The following LILRB1 variants were observed in gnomAD, a reference collection of about 807,000 sequenced individuals.
The protein encoded by LILRB1 is leukocyte immunoglobulin-like receptor subfamily B member 1.
In LILRB1, 59 loss-of-function variants were observed where a neutral mutation model predicts 74.6. The observed-to-expected ratio is 0.79, with a 90% CI of 0.64 to 0.98. The LOEUF is 0.98. Among genes scored for constraint, LILRB1 ranks in the 50% least tolerant of loss-of-function variants. The pLI is 0.00. For synonymous variants in LILRB1, 328 were observed against 333.9 expected (o/e 0.98, Z 0.19); for missense variants, 804 against 822.6 (o/e 0.98, Z 0.28).
upstream of LILRB1, among the ~76,000 whole-genome samples, chr19:54,628,703 C>G (rs2063665014): frequency 6.6e-6 from 1 of 152,042 alleles, no homozygotes; most frequent in Non-Finnish European, 1.5e-5. Flanking sequence ...CCCAGAAACC[C>G]ACGAAACCCA....
At chr19:54,628,458 C>A (rs1600338266), upstream of LILRB1, among the ~76,000 whole-genome samples, 1 of 152,330 alleles carries the variant, frequency 6.6e-6, no homozygotes. Flanking sequence ...ACCTCCAGAA[C>A]TTCTGACTGA....
Position 54,632,718 on chromosome 19 carries a change from G to C in LILRB1, c.916G>C (p.Glu306Gln). 1.2e-6 allele frequency: 2 copies of C among 1,612,456 alleles called. No homozygotes were observed. Among genetic ancestry groups the C allele is most frequent in the South Asian group, 1.1e-5 (1 of 91,002 alleles). The stretch of plus-strand genomic sequence containing the variant: ...CTACGGTGCACACAACCTCTCCTCC[G>C]AGTGGTCGGCCCCCAGCGACCCCCT... ...RCYGAHNLSS[E>Q]WSAPSDPLDI... The change falls in exon 6 of 15, where the codon GAG (glutamate) becomes CAG (glutamine). Residue 306 changes from glutamate (E) to glutamine (Q), a missense_variant. Coordinates refer to ENST00000324602, the MANE Select transcript of LILRB1 (RefSeq NM_001081637.3).
At chr19:54,631,241 G>A (rs375602416) in intron 2 of LILRB1, 30 bp from the exon 3 acceptor site, 26 of 1,608,298 alleles carry the variant, frequency 1.6e-5, no homozygotes, top group Middle Eastern at 1.8e-4. Context: ...GCTTCAGGGG[G>A]CAAATCCCTC....
chr19:54,617,542 C>T (rs1181821638), intron 1 of LILRB1, among the ~76,000 whole-genome samples: 1 of 137,584 alleles, frequency 7.3e-6, no homozygotes, highest in Non-Finnish European at 1.6e-5. Flanking sequence ...GAAGTAAAAG[C>T]TACAGGATGT....
chr19:54,627,948 T>C (rs73614626), upstream of LILRB1, among the ~76,000 whole-genome samples: 6,055 of 152,314 alleles, frequency 0.04, 127 homozygotes, highest in South Asian at 0.054. Flanking sequence ...ACCATTTTTA[T>C]TTTCTGCAGC....
chr19:54,617,336 A>C (rs2063332479), exon 1 of LILRB1: 1 of 152,180 alleles, frequency 6.6e-6, no homozygotes, highest in South Asian at 2.1e-4. Context: ...GTCTTTGTGC[A>C]CATTTACATC....
At chr19:54,631,189 C>T (rs879351408) in intron 2 of LILRB1, 82 bp downstream of exon 2, 58 of 1,613,868 alleles carry the variant, frequency 3.6e-5, no homozygotes, top group Non-Finnish European at 4.5e-5. Context: ...AAGGAGACCC[C>T]AGGGGCTCAC....
chr19:54,637,971 ATGTG>A lies in LILRB1; in HGVS notation c.*1104_*1107del, dbSNP rs1003937312. On this transcript the variant is annotated 3_prime_UTR_variant, in exon 15 of 15. Transcript: ENST00000324602. ...TAGATGTGTGTGTGTGTGTATATAT[ATGTG>A]TGTGTGTGTGAAAAACATTGACTAT... is the stretch of plus-strand genomic sequence containing the variant. 6.6e-6 allele frequency among the ~76,000 whole-genome samples: 1 copy of A among 151,992 alleles called. No homozygotes were observed. The highest frequency in any genetic ancestry group is 1.5e-5 in the Non-Finnish European group (1 of 67,994).
chr19:54,636,949 C>T lies in LILRB1; in HGVS notation c.*71C>T, dbSNP rs879508695. On this transcript the variant is annotated 3_prime_UTR_variant, in exon 15 of 15. Coordinates refer to ENST00000324602, the MANE Select transcript of LILRB1 (RefSeq NM_001081637.3). ...ATGGGAGCTGCCCCCCCAGTGGACA[C>T]CATTGGACCCCACCCAGCCTGGATC... 21 of 1,587,412 alleles carry T rather than the reference C, an allele frequency of 1.3e-5. No individual in the cohort carries two copies. The highest frequency in any genetic ancestry group is 1.8e-5 in the Non-Finnish European group (21 of 1,162,192).
At chr19:54,631,378 G>A in intron 3 of LILRB1, 72 bp downstream of exon 3, 2 of 1,613,516 alleles carry the variant, frequency 1.2e-6, no homozygotes, top group Non-Finnish European at 1.7e-6. Context: ...GTGCCGCTGG[G>A]GATGGGGAAT....
chr19:54,634,402 G>A, intron 9 of LILRB1: 6 of 1,535,014 alleles, frequency 3.9e-6, no homozygotes, highest in Non-Finnish European at 4.4e-6. Flanking sequence ...AAGGGCTGCA[G>A]GTCAGACTCC....
upstream of LILRB1, among the ~76,000 whole-genome samples, chr19:54,616,708 C>T (rs1230353014): frequency 6.6e-6 from 1 of 151,986 alleles, no homozygotes; most frequent in Non-Finnish European, 1.5e-5. Context: ...TGCTTTTCTC[C>T]CCAAATTAAT....
intron 10 of LILRB1, 57 bp downstream of exon 10, chr19:54,634,820 C>T (rs901524144): frequency 3.8e-6 from 6 of 1,589,684 alleles, no homozygotes; most frequent in Middle Eastern, 3.4e-4. Flanking sequence ...CAGGGCACAG[C>T]CAAAGAGAAT....
At chr19:54,634,936 G>C in intron 10 of LILRB1, 168 bp from the exon 11 acceptor site, 2 of 1,449,318 alleles carry the variant, frequency 1.4e-6, no homozygotes, top group Non-Finnish European at 1.9e-6. Context: ...TTCGGGCTCA[G>C]TGCCATCTAC....
In LILRB1 at chr19:54,636,705, C is replaced by T. The variant is rs368877199; in HGVS notation, c.1813-27C>T. On this transcript the variant is annotated intron_variant, in intron 14 of 14. Transcript: ENST00000324602. ...GGCCTCCCCCACCCCCACCACGTTCCTTCCCTCTCACTCTCCCCCGCTGCA... is the reference window on the plus strand; with the variant it reads ...GGCCTCCCCCACCCCCACCACGTTCTTTCCCTCTCACTCTCCCCCGCTGCA... 5.1e-5 allele frequency: 81 copies of T among 1,583,380 alleles called. No individual in the cohort carries two copies. The African/African-American group carries it at 9.7e-4, about 19-fold the overall frequency.
intron 12 of LILRB1, 97 bp downstream of exon 12, chr19:54,635,393 G>C: frequency 6.4e-7 from 1 of 1,558,350 alleles, no homozygotes; most frequent in Non-Finnish European, 8.8e-7. Flanking sequence ...AAGGGTCTGG[G>C]GCTCAGGGTG....
chr19:54,627,680 T>C (rs2063633386), upstream of LILRB1, among the ~76,000 whole-genome samples: 1 of 152,228 alleles, frequency 6.6e-6, no homozygotes, highest in Non-Finnish European at 1.5e-5. Context: ...ACTCTGTTTC[T>C]AAGCAGCTCT....
In LILRB1 at chr19:54,632,760, G is replaced by A. The variant is rs751157447; in HGVS notation, c.958G>A (p.Gly320Arg). The stretch of plus-strand genomic sequence containing the variant: ...CGACCCCCTGGACATCCTGATCGCA[G>A]GTGAGGAGCCCAGCGGGTTCAGTCA... Reference protein sequence around the residue: ...PSDPLDILIAGQFYDRVSLSV... With the variant: ...PSDPLDILIARQFYDRVSLSV... Residue 320 changes from glycine to arginine, a missense_variant and splice_region_variant, in exon 6 of 15, where the codon GGA becomes AGA. By Grantham distance (125) the Gly-to-Arg change is moderately radical. Coordinates refer to ENST00000324602, the MANE Select transcript of LILRB1 (RefSeq NM_001081637.3). 1.2e-6 allele frequency: 2 copies of A among 1,611,966 alleles called. No homozygotes were observed. The highest frequency in any genetic ancestry group is 1.7e-5 in the Admixed American group (1 of 60,020).
At position 54,636,242 on chromosome 19, in the gene LILRB1, G is replaced by A. The variant is rs182293133; in HGVS notation, c.1654-252G>A. On this transcript the variant is annotated intron_variant, in intron 13 of 14. Coordinates refer to ENST00000324602, the MANE Select transcript of LILRB1 (RefSeq NM_001081637.3). ...CCCTGCAGGCAGAGGAAACAACCCT[G>A]CAAAGGCCCCCAGGCAGCAGCGAGC... is the stretch of plus-strand genomic sequence containing the variant. 299 of 708,310 alleles carry A rather than the reference G, an allele frequency of 4.2e-4. 2 individuals carry two copies. In the East Asian group the frequency reaches 6.3e-3, roughly 15 times the overall value. 43.9% of individuals were successfully genotyped at this position (708,310 alleles called of 1,614,324 possible). A position where few individuals can be genotyped will look rare whatever the true frequency, so the allele number is the denominator to read the frequency against.
Sources: allele counts gnomAD v4.1 joint callset (sites outside exome capture counted in the v4.1 genomes callset), GRCh38; gene constraint gnomAD v4.1.1; transcripts MANE v1.5; gene names NCBI Gene and HGNC (gene_info 2026-07-23, HGNC 2026-07-21).